The following NSF variants were observed in gnomAD, a reference collection of about 807,000 sequenced individuals.
NSF encodes the protein vesicle-fusing ATPase.
In NSF, 14 loss-of-function variants were observed where a neutral mutation model predicts 50.3. That is an observed-to-expected ratio of 0.28 (90% CI 0.18 to 0.44). The LOEUF (loss-of-function observed/expected upper bound fraction) is 0.44, where lower values mean the gene tolerates loss of function less well. Ranked by LOEUF, NSF falls within the 20% of genes least tolerant of loss-of-function variation. The pLI, the probability that NSF is intolerant of heterozygous loss-of-function variation, is 1.00. For missense variants in NSF, 218 were observed against 504.3 expected (o/e 0.43, Z 5.44); for synonymous variants, 109 against 175.7 (o/e 0.62, Z 3.00).
At chr17:46,598,595 G>A (rs2057885236) in intron 1 of NSF, among the ~76,000 whole-genome samples, 1 of 152,084 alleles carries the variant, frequency 6.6e-6, no homozygotes, top group East Asian at 1.9e-4. Flanking sequence ...TTGCTTAGGA[G>A]TTGAAAGGGG....
intron 2 of NSF, among the ~76,000 whole-genome samples, chr17:46,625,758 A>T (rs1170821269): frequency 9.7e-6 from 1 of 103,176 alleles, no homozygotes; most frequent in Non-Finnish European, 1.7e-5. Context: ...TTAAAAAGAT[A>T]GTGAGCTAGG....
intron 15 of NSF, among the ~76,000 whole-genome samples, chr17:46,720,756 C>G (rs149725183): frequency 9.2e-5 from 14 of 152,238 alleles, no homozygotes; most frequent in African/African-American, 3.4e-4. Context: ...GTACTTCACG[C>G]CAAGTACTTC....
chr17:46,703,538 C>A (rs1228938123), intron 12 of NSF, among the ~76,000 whole-genome samples: 12 of 147,396 alleles, frequency 8.1e-5, no homozygotes, highest in African/African-American at 3.0e-4. Flanking sequence ...AAAAATTAGC[C>A]GGGCGTGGTG....
chr17:46,756,755 T>G lies in NSF; in HGVS notation c.*932T>G, dbSNP rs2059238018. On this transcript the variant is annotated 3_prime_UTR_variant, in exon 21 of 21. Transcript: ENST00000398238. ...AATTTATCCTTTATTTTAAATGATCTGTACTATCTAGTGTCTAAAACACTA... is the reference window on the plus strand; with the variant it reads ...AATTTATCCTTTATTTTAAATGATCGGTACTATCTAGTGTCTAAAACACTA... 1 of 152,658 alleles carries G rather than the reference T, an allele frequency of 6.6e-6. No homozygotes were observed. The highest frequency in any genetic ancestry group is 1.5e-5 in the Non-Finnish European group (1 of 68,038). 9.5% of individuals were successfully genotyped at this position (152,658 alleles called of 1,614,324 possible).
rs1462807167 is a variant in NSF at position 46,671,966 on chromosome 17, T to A, written c.746-2448T>A. ...ATAAATTAAGAGCTTCAAATAATTT[T>A]TTAAAATCCTTCATATTCTTTGAGT... On this transcript the variant is annotated intron_variant, in intron 8 of 20. Transcript: ENST00000398238. Among the ~76,000 whole-genome samples, 2 of 141,826 alleles carry A rather than the reference T, an allele frequency of 1.4e-5. 1 individual carries two copies. Among genetic ancestry groups the A allele is most frequent in the Non-Finnish European group, 3.2e-5 (2 of 62,742 alleles). The allele number at this position is 141,826 out of a possible 152,430, so 93.0% of individuals were successfully genotyped here.
At chr17:46,667,460 CTTTT>C (rs779369132) in intron 8 of NSF, among the ~76,000 whole-genome samples, 4 of 128,216 alleles carry the variant, frequency 3.1e-5, no homozygotes, top group Non-Finnish European at 5.2e-5. Context: ...GTTTGATTTT[CTTTT>C]TTTTTTTTTT....
At chr17:46,697,079 ATC>A (rs2058602172) in intron 12 of NSF, among the ~76,000 whole-genome samples, 1 of 137,374 alleles carries the variant, frequency 7.3e-6, no homozygotes, top group South Asian at 2.3e-4. Context: ...TTTAGGTACT[ATC>A]TGCCACTTTA....
chr17:46,716,261 C>T (rs1598708465), intron 15 of NSF, among the ~76,000 whole-genome samples: 1 of 143,766 alleles, frequency 7.0e-6, no homozygotes. Context: ...CTTGCCCCTC[C>T]TTTTTTTTTT....
chr17:46,725,701 C>T (rs368039393), intron 15 of NSF, among the ~76,000 whole-genome samples: 2 of 152,072 alleles, frequency 1.3e-5, no homozygotes, highest in Non-Finnish European at 2.9e-5. Flanking sequence ...GATGTTGGTG[C>T]GGGTGGGGAT....
At position 46,726,627 on chromosome 17, in the gene NSF, C is replaced by T. The variant is rs2058892338; in HGVS notation, c.1828+12C>T. ...TGAGAGATTGCTTGGTGAGTCCTAA[C>T]TTCTGCTGTTGTATTATCTTTGCCA... On this transcript the variant is annotated intron_variant, in intron 16 of 20. Transcript: ENST00000398238. The T allele has an allele frequency of 6.2e-7, 1 of 1,611,650 alleles. No homozygotes were observed. The highest frequency in any genetic ancestry group is 1.7e-5 in the Admixed American group (1 of 59,992).
chr17:46,640,006 T>C (rs62072065), intron 5 of NSF, 48 bp from the exon 6 acceptor site: 2 of 58,314 alleles, frequency 3.4e-5, no homozygotes, highest in South Asian at 9.1e-5. Context: ...AGGATCAAAC[T>C]ATTATATTAT....
rs565180866 is a variant in NSF, at chr17:46,667,574, A to G, written c.746-6840A>G. On this transcript the variant is annotated intron_variant, in intron 8 of 20. Transcript: ENST00000398238. ...CAAATGTTCTTTTGCTAGTTGTGAAATCTAAATTTGAGAACCACTGACTAG... is the reference window on the plus strand; with the variant it reads ...CAAATGTTCTTTTGCTAGTTGTGAAGTCTAAATTTGAGAACCACTGACTAG... Among the ~76,000 whole-genome samples the G allele has an allele frequency of 9.9e-5, 14 of 142,102 alleles. 2 individuals are homozygous for G. The East Asian group carries it at 1.6e-3, about 16-fold the overall frequency. The allele number at this position is 142,102 out of a possible 152,430, so 93.2% of individuals were successfully genotyped here.
intron 19 of NSF, 56 bp downstream of exon 19, chr17:46,751,672 A>G: frequency 9.6e-7 from 1 of 1,042,256 alleles, no homozygotes; most frequent in Non-Finnish European, 1.4e-6. Context: ...AGGACACACC[A>G]AGAGGGTTCA....
intron 20 of NSF, chr17:46,755,581 G>A: frequency 1.5e-6 from 1 of 685,838 alleles, no homozygotes; most frequent in Non-Finnish European, 2.4e-6. Context: ...TTGTCACAAT[G>A]CAGGAAAAAC....
intron 1 of NSF, among the ~76,000 whole-genome samples, chr17:46,623,326 A>G (rs1398435353): frequency 1.8e-5 from 1 of 55,520 alleles, no homozygotes; most frequent in African/African-American, 1.1e-4. Context: ...TCAAAAAAAA[A>G]AAAAAAAAAA....
chr17:46,715,199 T>C (rs1398418573), intron 15 of NSF, among the ~76,000 whole-genome samples: 2 of 152,204 alleles, frequency 1.3e-5, no homozygotes, highest in African/African-American at 2.4e-5. Flanking sequence ...AAAGGAAATA[T>C]TGCCAGATGC....
intron 17 of NSF, among the ~76,000 whole-genome samples, chr17:46,735,412 C>T (rs2058992203): frequency 6.6e-6 from 1 of 151,260 alleles, no homozygotes. Context: ...TGCCATGACT[C>T]TAGTTAAGAG....
chr17:46,748,481 G>A lies in NSF; in HGVS notation c.1909-1292G>A, dbSNP rs532087960. On this transcript the variant is annotated intron_variant, in intron 17 of 20. Transcript: ENST00000398238. ...ATACAATAGTAAGGCTAGAATAAAG[G>A]TATTTCCAGACATGCAAGGTCTTTA... Among the ~76,000 whole-genome samples the A allele has an allele frequency of 6.8e-4, 103 of 152,246 alleles. No homozygotes were observed. The Middle Eastern group carries it at 0.01, about 15-fold the overall frequency.
At chr17:46,642,806 TTTAG>T (rs2058225021) in intron 7 of NSF, among the ~76,000 whole-genome samples, 1 of 18,644 alleles carries the variant, frequency 5.4e-5, no homozygotes, top group Non-Finnish European at 8.8e-5. Flanking sequence ...AGTTAGTTAA[TTTAG>T]TTAGATTGAA....
Sources: gnomAD v4.1 joint callset for allele counts (sites outside exome capture counted in the v4.1 genomes callset) on GRCh38, gnomAD v4.1.1 for gene constraint, MANE v1.5 for transcripts, NCBI Gene and HGNC (gene_info 2026-07-23, HGNC 2026-07-21) for gene names.